The following CDC73 variants were observed in gnomAD, a reference collection of about 807,000 sequenced individuals.
The protein encoded by CDC73 is parafibromin.
A neutral mutation model predicts 83.7 loss-of-function variants in CDC73; 21 were observed. That is an observed-to-expected ratio of 0.25 (90% confidence interval 0.18 to 0.36). CDC73 has a LOEUF of 0.36. Ranked by LOEUF, CDC73 falls within the 10% of genes least tolerant of loss-of-function variation. The pLI is 1.00. For missense variants in CDC73, 342 were observed against 653.3 expected, an observed-to-expected ratio of 0.52 and a Z score of 5.19; for synonymous variants, 224 against 212.9, an observed-to-expected ratio of 1.05 and a Z score of -0.45.
At chr1:193,154,891 C>T (rs1202909328) in intron 10 of CDC73, among the ~76,000 whole-genome samples, 1 of 152,148 alleles carries the variant, frequency 6.6e-6, no homozygotes, top group Non-Finnish European at 1.5e-5. Context: ...ATAATATCCA[C>T]CCAGACATAC....
At chr1:193,192,399 C>T (rs1303199555) in intron 10 of CDC73, among the ~76,000 whole-genome samples, 1 of 152,148 alleles carries the variant, frequency 6.6e-6, no homozygotes, top group African/African-American at 2.4e-5. Context: ...GCCGAGATCG[C>T]GCCACTGCAC....
Position 193,227,005 on chromosome 1 carries a change from G to A in CDC73, c.1155-5988G>A, listed in dbSNP as rs1677577387. On this transcript the variant is annotated intron_variant, in intron 13 of 16. Coordinates refer to ENST00000367435, the MANE Select transcript of CDC73 (RefSeq NM_024529.5). ...ATTTTAATCTTGCTGCTTGTTATTG[G>A]TCTGTTTAGGGTATCCAGTTCTTCC... is the stretch of plus-strand genomic sequence containing the variant. Among the ~76,000 whole-genome samples the A allele has an allele frequency of 1.3e-5, 2 of 151,866 alleles. 1 individual carries two copies. Among genetic ancestry groups the A allele is most frequent in the South Asian group, 4.2e-4 (2 of 4,818 alleles).
intron 10 of CDC73, among the ~76,000 whole-genome samples, chr1:193,198,015 TATTC>T (rs1677031323): frequency 6.6e-6 from 1 of 151,990 alleles, no homozygotes. Flanking sequence ...ATTTTTGCCA[TATTC>T]ATTTAATAGA....
chr1:193,175,655 T>C (rs1269774961), intron 10 of CDC73, among the ~76,000 whole-genome samples: 1 of 152,192 alleles, frequency 6.6e-6, no homozygotes, highest in African/African-American at 2.4e-5. Flanking sequence ...TTACATAGCA[T>C]TTAAATTGTA....
At chr1:193,218,273 C>G (rs1677404506) in intron 13 of CDC73, among the ~76,000 whole-genome samples, 1 of 152,120 alleles carries the variant, frequency 6.6e-6, no homozygotes, top group South Asian at 2.1e-4. Context: ...AAGACACAAA[C>G]AAATCGAAAA....
At chr1:193,228,482 AAGAT>A (rs758330440) in intron 13 of CDC73, among the ~76,000 whole-genome samples, 7 of 152,228 alleles carry the variant, frequency 4.6e-5, no homozygotes, top group African/African-American at 1.7e-4. Flanking sequence ...TAACGATGTA[AAGAT>A]AGATAGATGA....
At chr1:193,140,031 T>C (rs1012326489) in intron 6 of CDC73, among the ~76,000 whole-genome samples, 6 of 152,252 alleles carry the variant, frequency 3.9e-5, no homozygotes, top group African/African-American at 1.4e-4. Context: ...TCAGGTCTTC[T>C]GACCTATGAA....
At chr1:193,168,506 T>G (rs1372726800) in intron 10 of CDC73, among the ~76,000 whole-genome samples, 1 of 152,120 alleles carries the variant, frequency 6.6e-6, no homozygotes. Context: ...ACATAAGGTT[T>G]CTGTTGTCCA....
chr1:193,157,021 T>C (rs1052920854), intron 10 of CDC73, among the ~76,000 whole-genome samples: 1 of 152,058 alleles, frequency 6.6e-6, no homozygotes, highest in South Asian at 2.1e-4. Flanking sequence ...AGCCTAAAAT[T>C]GGGGGATTTG....
rs563894104 is a variant in CDC73 at position 193,239,768 on chromosome 1, A to G, written c.1417+3412A>G. Among the ~76,000 whole-genome samples, 3 of 152,222 alleles carry G rather than the reference A, an allele frequency of 2.0e-5. 1 individual carries two copies. The highest frequency in any genetic ancestry group is 6.5e-5 in the Admixed American group (1 of 15,294). On this transcript the variant is annotated intron_variant, in intron 15 of 16. Coordinates refer to ENST00000367435, the MANE Select transcript of CDC73 (RefSeq NM_024529.5). ...GGGAACATTTCAAGTCATCTCTTCT[A>G]GCTGTTTAGAAATATATAATACATT...
At chr1:193,158,847 T>C (rs926135163) in intron 10 of CDC73, among the ~76,000 whole-genome samples, 3 of 152,200 alleles carry the variant, frequency 2.0e-5, no homozygotes, top group African/African-American at 7.2e-5. Flanking sequence ...AATAGTCCAT[T>C]GTATCCCTTA....
chr1:193,189,950 C>G lies in CDC73; in HGVS notation c.973-13845C>G, dbSNP rs954492042. ...TTAAAAGAGAAAGGTAGGGGGAGAGCACTTCAACCAGGGTGGATGATTTTC... is the reference window on the plus strand; with the variant it reads ...TTAAAAGAGAAAGGTAGGGGGAGAGGACTTCAACCAGGGTGGATGATTTTC... On this transcript the variant is annotated intron_variant, in intron 10 of 16. Coordinates refer to ENST00000367435, the MANE Select transcript of CDC73 (RefSeq NM_024529.5). 2.0e-5 allele frequency among the ~76,000 whole-genome samples: 3 copies of G among 152,278 alleles called. No individual in the cohort carries two copies. The South Asian group carries it at 6.2e-4, about 32-fold the overall frequency.
intron 10 of CDC73, among the ~76,000 whole-genome samples, chr1:193,188,539 TATTG>T (rs975471699): frequency 1.2e-3 from 187 of 152,242 alleles, no homozygotes; most frequent in African/African-American, 4.4e-3. Context: ...AACAGGTACA[TATTG>T]ATTAACTACT....
chr1:193,157,871 TTC>T (rs1572164710), intron 10 of CDC73, among the ~76,000 whole-genome samples: 2 of 152,084 alleles, frequency 1.3e-5, no homozygotes, highest in African/African-American at 2.4e-5. Context: ...TATTTAACCT[TTC>T]TATCAGTGAT....
At chr1:193,147,742 AATG>A (rs1676026940) in intron 7 of CDC73, 122 bp from the exon 8 acceptor site, 1 of 694,646 alleles carries the variant, frequency 1.4e-6, no homozygotes, top group East Asian at 2.7e-5. Context: ...TGTGTATAAT[AATG>A]ATACCTTATG....
chr1:193,210,208 C>T (rs563790272), intron 11 of CDC73, among the ~76,000 whole-genome samples: 2 of 152,278 alleles, frequency 1.3e-5, no homozygotes, highest in South Asian at 2.1e-4. Flanking sequence ...GGTCATACTA[C>T]TGAATCCTAT....
intron 13 of CDC73, among the ~76,000 whole-genome samples, chr1:193,230,656 T>C (rs1425652269): frequency 6.6e-6 from 1 of 152,126 alleles, no homozygotes; most frequent in Admixed American, 6.5e-5. Context: ...CTGTGATTTA[T>C]GTAGAATATC....
intron 7 of CDC73, among the ~76,000 whole-genome samples, chr1:193,147,324 T>C (rs1240634926): frequency 9.2e-5 from 14 of 152,076 alleles, no homozygotes; most frequent in African/African-American, 3.4e-4. Context: ...TCTGGTTATA[T>C]ATTTGAACAG....
At chr1:193,208,179 TGGTG>T (rs1677220922) in intron 11 of CDC73, among the ~76,000 whole-genome samples, 1 of 152,216 alleles carries the variant, frequency 6.6e-6, no homozygotes, top group Admixed American at 6.5e-5. Context: ...CCTTTTCTGT[TGGTG>T]GGTTCTGTCA....
Sources: allele counts gnomAD v4.1 joint callset (sites outside exome capture counted in the v4.1 genomes callset), GRCh38; gene constraint gnomAD v4.1.1; transcripts MANE v1.5; gene names NCBI Gene and HGNC (gene_info 2026-07-23, HGNC 2026-07-21).